SYNE2: variants seen among roughly 807,000 people sequenced by gnomAD.
SYNE2 encodes nesprin-2.
SYNE2 carries 431 observed loss-of-function variants against 856.3 expected under a neutral mutation model. The ratio of observed to expected loss-of-function variants is 0.50; its 90% CI spans 0.47 to 0.55. The LOEUF (loss-of-function observed/expected upper bound fraction) is 0.55. Ranked by LOEUF, SYNE2 falls within the 20% of genes least tolerant of loss-of-function variation. The pLI is 0.00. For synonymous variants in SYNE2, 2,923 were observed against 2,872.3 expected (o/e 1.02, Z -0.56); for missense variants, 8,129 against 8,023.2 (o/e 1.01, Z -0.50).
chr14:64,147,461 C>A (rs765566880), intron 84 of SYNE2, among the ~76,000 whole-genome samples: 5 of 152,180 alleles, frequency 3.3e-5, no homozygotes, highest in African/African-American at 1.2e-4. Flanking sequence ...TGGTCCCTCA[C>A]CTACAAAGAG....
At position 64,053,674 on chromosome 14, in the gene SYNE2, A is replaced by C. The variant is rs748252736; in HGVS notation, c.9744+17A>C. On this transcript the variant is annotated intron_variant, in intron 48 of 115. Coordinates refer to ENST00000555002, the MANE Select transcript of SYNE2 (RefSeq NM_182914.3). ...TTGCGCACAGTAAGTTTTAAAAATT[A>C]TGCAGTTAGTGGCTGGGTGCGGGGG... is the stretch of plus-strand genomic sequence containing the variant. The C allele has an allele frequency of 6.2e-7, 1 of 1,611,188 alleles. No homozygotes were observed.
chr14:63,782,467 C>CAAAAA (rs35413633), intron 1 of SYNE2, among the ~76,000 whole-genome samples: 22 of 49,558 alleles, frequency 4.4e-4, no homozygotes, highest in African/African-American at 7.0e-4. Context: ...AACTCCATCT[C>CAAAAA]AAAAAAAAAA....
intron 100 of SYNE2, 91 bp from the exon 101 acceptor site, chr14:64,208,667 G>A (rs2098622041): frequency 7.3e-7 from 1 of 1,371,534 alleles, no homozygotes; most frequent in Non-Finnish European, 1.0e-6. Context: ...CCTGAGCTGG[G>A]AGAAGGGAGG....
intron 1 of SYNE2, among the ~76,000 whole-genome samples, chr14:63,807,865 A>ATATATATATATATATATATATT (rs1267385896): frequency 1.0e-5 from 1 of 97,396 alleles, no homozygotes. Flanking sequence ...ATATATATAT[A>ATATATATATATATATATATATT]ATTTCAATAG....
At chr14:63,799,601 G>A (rs1330838193) in intron 1 of SYNE2, among the ~76,000 whole-genome samples, 3 of 152,050 alleles carry the variant, frequency 2.0e-5, no homozygotes, top group Non-Finnish European at 4.4e-5. Flanking sequence ...CTACTCTGGA[G>A]GTTGAGGCAG....
At chr14:64,066,054 T>A (rs2097356497) in intron 51 of SYNE2, among the ~76,000 whole-genome samples, 1 of 152,230 alleles carries the variant, frequency 6.6e-6, no homozygotes, top group African/African-American at 2.4e-5. Flanking sequence ...TTAACTGTAA[T>A]TGTTAAATGT....
chr14:64,073,817 T>C, intron 52 of SYNE2, 151 bp from the exon 53 acceptor site: 1 of 781,580 alleles, frequency 1.3e-6, no homozygotes, highest in Non-Finnish European at 2.1e-6. Context: ...GGTACATCCA[T>C]TATTGAAAAT....
At chr14:64,054,357 G>A (rs961182728) in intron 48 of SYNE2, among the ~76,000 whole-genome samples, 1 of 152,224 alleles carries the variant, frequency 6.6e-6, no homozygotes, top group Non-Finnish European at 1.5e-5. Flanking sequence ...AGAACTTACA[G>A]TGTTGGAGAC....
In SYNE2 at chr14:63,997,230, C is replaced by T. The variant is rs569356292; in HGVS notation, c.3153-71C>T. 6.0e-5 allele frequency: 94 copies of T among 1,578,146 alleles called. No homozygotes were observed. The East Asian group carries it at 1.8e-3, about 31-fold the overall frequency. ...TTTTGCACGATCAAATGACATTAAG[C>T]GTTAGTCATGCTTGTTTAGGTTTCA... On this transcript the variant is annotated intron_variant, in intron 24 of 115. Coordinates refer to ENST00000555002, the MANE Select transcript of SYNE2 (RefSeq NM_182914.3).
intron 63 of SYNE2, among the ~76,000 whole-genome samples, chr14:64,100,539 T>TAG (rs1384506712): frequency 1.7e-5 from 1 of 59,148 alleles, no homozygotes; most frequent in Non-Finnish European, 2.8e-5. Context: ...AAAATATATA[T>TAG]ATATATATAT....
At chr14:64,018,362 C>T (rs983924521) in intron 34 of SYNE2, among the ~76,000 whole-genome samples, 2 of 152,178 alleles carry the variant, frequency 1.3e-5, no homozygotes, top group Non-Finnish European at 2.9e-5. Context: ...GCCTCAGCCT[C>T]CTGAGTACAC....
At chr14:64,087,490 A>G in intron 57 of SYNE2, 181 bp from the exon 58 acceptor site, 1 of 771,534 alleles carries the variant, frequency 1.3e-6, no homozygotes, top group East Asian at 2.5e-5. Context: ...TTATACAGGT[A>G]GATACTCTGA....
At chr14:63,854,338 C>T (rs1891207858) in intron 1 of SYNE2, among the ~76,000 whole-genome samples, 1 of 152,150 alleles carries the variant, frequency 6.6e-6, no homozygotes, top group South Asian at 2.1e-4. Flanking sequence ...CTCACCACTC[C>T]AGTACCTGCC....
chr14:63,940,490 T>C, intron 2 of SYNE2, 124 bp from the exon 3 acceptor site: 1 of 859,924 alleles, frequency 1.2e-6, no homozygotes, highest in Non-Finnish European at 1.9e-6. Flanking sequence ...GACTAAATCC[T>C]GGAAAGTTTG....
rs2096662479 is a variant in SYNE2, at chr14:63,990,983, TGACGTTTCACCA to T, written c.2517_2528del (p.Val840_Asp843del). 2 of 1,614,074 alleles carry T rather than the reference TGACGTTTCACCA, an allele frequency of 1.2e-6. No individual in the cohort carries two copies. The highest frequency in any genetic ancestry group is 2.2e-5 in the East Asian group (1 of 44,890). ...TCATTGCAGCGTTGAAGAACTTAACTGACGTTTCACCAGATTTGGACATCAGGCTGAAGATGG... is the reference window on the plus strand; with the variant it reads ...TCATTGCAGCGTTGAAGAACTTAACTGATTTGGACATCAGGCTGAAGATGG... On this transcript the variant is annotated inframe_deletion, in exon 21 of 116. Transcript: ENST00000555002.
At chr14:63,871,473 G>T (rs1896833537) in intron 1 of SYNE2, among the ~76,000 whole-genome samples, 2 of 152,126 alleles carry the variant, frequency 1.3e-5, no homozygotes, top group South Asian at 4.1e-4. Context: ...CTCCCAAAGT[G>T]CTGGGATTAC....
chr14:63,876,401 C>G (rs1456919458), intron 1 of SYNE2, among the ~76,000 whole-genome samples: 1 of 151,830 alleles, frequency 6.6e-6, no homozygotes, highest in African/African-American at 2.4e-5. Context: ...AAGACCCTGT[C>G]TCAAAAAACA....
chr14:64,036,283 G>A (rs180787957), intron 45 of SYNE2, among the ~76,000 whole-genome samples: 81 of 151,070 alleles, frequency 5.4e-4, no homozygotes, highest in Admixed American at 9.2e-4. Context: ...CTGTTCTATC[G>A]TTCTTTTTGT....
rs778397553 is a variant in SYNE2 at position 64,062,790 on chromosome 14, G to A, written c.10107G>A (p.Glu3369=). 1.2e-6 allele frequency: 2 copies of A among 1,613,928 alleles called. No homozygotes were observed. The highest frequency in any genetic ancestry group is 4.5e-5 in the East Asian group (2 of 44,872). The stretch of plus-strand genomic sequence containing the variant: ...ACAAATGCTATAGAAAAATGGAAGA[G>A]GATATTTACACTAACCTCAGCAAAA... ...ENYKCYRKME[E]DIYTNLSKME... is the part of the protein sequence containing the mutation. The change falls in exon 50 of 116, where the codon GAG becomes GAA. Residue 3369 remains glutamate, a synonymous_variant. Coordinates refer to ENST00000555002, the MANE Select transcript of SYNE2 (RefSeq NM_182914.3).
Sources: gnomAD v4.1 joint callset for allele counts (sites outside exome capture counted in the v4.1 genomes callset) on GRCh38, gnomAD v4.1.1 for gene constraint, MANE v1.5 for transcripts, NCBI Gene and HGNC (gene_info 2026-07-23, HGNC 2026-07-21) for gene names.